Variants in ZNF594 observed in about 807,000 individuals in gnomAD.
ZNF594 encodes the protein zinc finger protein 594.
For missense variants in ZNF594, 1,037 were observed against 964.6 expected (o/e 1.08, Z -0.99); for synonymous variants, 336 against 309.4 (o/e 1.09, Z -0.90).
At chr17:5,191,631 T>G (rs1468033291) in intron 1 of ZNF594, 117 bp downstream of exon 1, 1 of 152,208 alleles carries the variant, frequency 6.6e-6, no homozygotes, top group Admixed American at 6.6e-5. Context: ...GGCGCCTACA[T>G]CCTCCTGCGG....
Position 5,181,548 on chromosome 17 carries a change from T to A in ZNF594, c.*285A>T, listed in dbSNP as rs1158706317. 1 of 1,613,836 alleles carries A rather than the reference T, an allele frequency of 6.2e-7. No individual in the cohort carries two copies. The highest frequency in any genetic ancestry group is 2.2e-5 in the East Asian group (1 of 44,874). On this transcript the variant is annotated 3_prime_UTR_variant, in exon 2 of 2. Transcript: ENST00000575779. ...CCACATGAAGAGTTTCCCACATTCCTTACATTCATAGGGTTTCTCACCACT... is the reference window on the plus strand; with the variant it reads ...CCACATGAAGAGTTTCCCACATTCCATACATTCATAGGGTTTCTCACCACT...
At position 5,182,390 on chromosome 17, in the gene ZNF594, G is replaced by A. The variant is rs745907980; in HGVS notation, c.1867C>T (p.Pro623Ser). Residue 623 changes from proline to serine, a missense_variant, in exon 2 of 2, where the codon CCT becomes TCT. Coordinates refer to ENST00000575779, the MANE Select transcript of ZNF594 (RefSeq NM_032530.2). ...TTCCCACATTTGTTGCATACATAAG[G>A]TTTTTCTCCACTGTGAATTCTATGA... The part of the protein sequence containing the change: ...RHHRIHSGEK[P>S]YVCNKCGKSF... 10 of 1,613,594 alleles carry A rather than the reference G, an allele frequency of 6.2e-6. No homozygotes were observed. The highest frequency in any genetic ancestry group is 8.5e-6 in the Non-Finnish European group (10 of 1,179,984).
In ZNF594 at chr17:5,183,377, G is replaced by A. The variant is rs758565164; in HGVS notation, c.880C>T (p.Pro294Ser). Residue 294 changes from proline (P) to serine (S), a missense_variant, in exon 2 of 2, where the codon CCC (proline) becomes TCC (serine). Coordinates refer to ENST00000575779, the MANE Select transcript of ZNF594 (RefSeq NM_032530.2). The stretch of plus-strand genomic sequence containing the variant: ...TTTTCACATTCATTACATTTGAGGG[G>A]TTTCTCTCCAGTGTGAATTCTCTGA... ...PHQRIHTGEK[P>S]LKCNECEKAF... 1 of 1,613,660 alleles carries A rather than the reference G, an allele frequency of 6.2e-7. No individual in the cohort carries two copies. The highest frequency in any genetic ancestry group is 1.1e-5 in the South Asian group (1 of 91,078).
chr17:5,181,463 C>T lies in ZNF594; in HGVS notation c.*370G>A. ...GCTCCTCATCCTTGCTGAAGGTTTT[C>T]TCACGTTCTTCAAGTTTCTCTCCAG... On this transcript the variant is annotated 3_prime_UTR_variant, in exon 2 of 2. Coordinates refer to ENST00000575779, the MANE Select transcript of ZNF594 (RefSeq NM_032530.2). 6.2e-7 allele frequency: 1 copy of T among 1,613,996 alleles called. No individual in the cohort carries two copies. The highest frequency in any genetic ancestry group is 8.5e-7 in the Non-Finnish European group (1 of 1,179,896).
chr17:5,185,469 T>C (rs550273469), intron 1 of ZNF594, among the ~76,000 whole-genome samples: 3 of 152,322 alleles, frequency 2.0e-5, no homozygotes, highest in Admixed American at 2.0e-4. Flanking sequence ...ATGGGATTTA[T>C]GGGAGTACAA....
downstream of ZNF594, among the ~76,000 whole-genome samples, chr17:5,177,191 G>A (rs1383554799): frequency 2.3e-5 from 1 of 43,154 alleles, no homozygotes; most frequent in African/African-American, 4.5e-5. Context: ...GTGAGTCTCT[G>A]TCTCATAAAA....
Position 5,180,276 on chromosome 17 carries a change from T to A in ZNF594, c.*1557A>T, listed in dbSNP as rs925982326. On this transcript the variant is annotated 3_prime_UTR_variant, in exon 2 of 2. Transcript: ENST00000575779. ...GGGGTTTTAGTATGTTGGCTGGGCA[T>A]AGTAACTCCTCATGATCAACTCGTG... is the stretch of plus-strand genomic sequence containing the variant. 1 of 151,738 alleles carries A rather than the reference T, an allele frequency of 6.6e-6. No homozygotes were observed. Among genetic ancestry groups the A allele is most frequent in the Non-Finnish European group, 1.5e-5 (1 of 68,084 alleles). 9.4% of individuals were successfully genotyped at this position (151,738 alleles called of 1,614,324 possible).
Position 5,183,594 on chromosome 17 carries a change from C to CT in ZNF594, c.662dup (p.Ser223LysfsTer13). The CT allele has an allele frequency of 6.2e-7, 1 of 1,614,134 alleles. No individual in the cohort carries two copies. On this transcript the variant is annotated frameshift_variant, in exon 2 of 2. Coordinates refer to ENST00000575779, the MANE Select transcript of ZNF594 (RefSeq NM_032530.2). LOFTEE classifies it low-confidence loss of function (END_TRUNC). ...GGTGCAGGACAAGGTTTGAGCTTCC[C>CT]TTAAAAGCCTTCCCACACTCTTTGC...
Position 5,182,968 on chromosome 17 carries a change from T to A in ZNF594, c.1289A>T (p.Lys430Ile), listed in dbSNP as rs776785926. The A allele has an allele frequency of 1.9e-6, 3 of 1,613,926 alleles. No homozygotes were observed. Among genetic ancestry groups the A allele is most frequent in the Non-Finnish European group, 2.5e-6 (3 of 1,180,026 alleles). The change falls in exon 2 of 2, where the codon AAA (lysine) becomes ATA (isoleucine). Residue 430 changes from lysine to isoleucine, a missense_variant. Physicochemically the swap from Lys to Ile is moderately radical, Grantham distance 102. Transcript: ENST00000575779. ...LRHHRIHSGE[K>I]PCVCSKCGKS... ...CCCACATTTGCTACATACACAAGGT[T>A]TTTCTCCACTGTGAATTCTATGATG... is the stretch of plus-strand genomic sequence containing the variant.
chr17:5,182,263 G>A lies in ZNF594; in HGVS notation c.1994C>T (p.Ser665Leu), dbSNP rs1385471500. The A allele has an allele frequency of 1.9e-6, 3 of 1,613,394 alleles. No individual in the cohort carries two copies. Among genetic ancestry groups the A allele is most frequent in the Non-Finnish European group, 2.5e-6 (3 of 1,179,982 alleles). Reference protein sequence around the residue: ...SECGKAFSQRSHLATHQKIHT... With the variant: ...SECGKAFSQRLHLATHQKIHT... ...GATTTTCTGGTGTGTAGCAAGGTGT[G>A]ACCTCTGGCTGAAGGCTTTCCCACA... The change falls in exon 2 of 2, where the codon TCA becomes TTA. Residue 665 changes from serine to leucine, a missense_variant. By Grantham distance (145) the Ser-to-Leu change is moderately radical. Coordinates refer to ENST00000575779, the MANE Select transcript of ZNF594 (RefSeq NM_032530.2).
At chr17:5,190,261 G>A (rs977676189) in intron 1 of ZNF594, among the ~76,000 whole-genome samples, 47 of 152,140 alleles carry the variant, frequency 3.1e-4, no homozygotes, top group African/African-American at 9.9e-4. Flanking sequence ...CCAGCTACTC[G>A]GAAGGCTGAG....
rs770037510 is a variant in ZNF594 at position 5,182,233 on chromosome 17, G to A, written c.2024C>T (p.Thr675Ile). The stretch of plus-strand genomic sequence containing the variant: ...ACTGCACTGATAGGGTTTCTCTCCA[G>A]TATGGATTTTCTGGTGTGTAGCAAG... ...SHLATHQKIH[T>I]GEKPYQCSEC... is the part of the protein sequence containing the mutation. Residue 675 changes from threonine to isoleucine, a missense_variant, in exon 2 of 2, where the codon ACT becomes ATT. By Grantham distance (89) the Thr-to-Ile change is moderately conservative. Transcript: ENST00000575779. 5.0e-6 allele frequency: 8 copies of A among 1,613,464 alleles called. No homozygotes were observed. The highest frequency in any genetic ancestry group is 6.8e-6 in the Non-Finnish European group (8 of 1,179,996).
rs1265921776 is a variant in ZNF594 at position 5,181,734 on chromosome 17, T to A, written c.*99A>T. The A allele has an allele frequency of 5.7e-6, 9 of 1,592,424 alleles. No homozygotes were observed. The highest frequency in any genetic ancestry group is 6.9e-6 in the Non-Finnish European group (8 of 1,160,594). On this transcript the variant is annotated 3_prime_UTR_variant, in exon 2 of 2. Transcript: ENST00000575779. ...ACATTCACTACATTCATGAGGTTTC[T>A]CTCCAGTATGAACACGATGGTGTTT...
At position 5,183,303 on chromosome 17, in the gene ZNF594, A is replaced by G. The variant is rs190250258; in HGVS notation, c.954T>C (p.Ser318=). ...TGTGACATTCATAGGGTTTCTCTCC[A>G]CTGTGGAGTCTCTGGTGTTCAGTAA... ...SHLTEHQRLH[S]GEKPYECHRC... is the part of the protein sequence containing the mutation. Residue 318 remains serine (S), a synonymous_variant, in exon 2 of 2, where the codon AGT becomes AGC. Coordinates refer to ENST00000575779, the MANE Select transcript of ZNF594 (RefSeq NM_032530.2). 1.3e-3 allele frequency: 2,087 copies of G among 1,614,044 alleles called. 6 individuals are homozygous for G. The highest frequency in any genetic ancestry group is 8.3e-4 in the Non-Finnish European group (983 of 1,180,042).
In ZNF594 at chr17:5,183,264, G is replaced by A. The variant is rs1567826071; in HGVS notation, c.993C>T (p.Thr331=). The A allele has an allele frequency of 2.5e-6, 4 of 1,614,038 alleles. No homozygotes were observed. Among genetic ancestry groups the A allele is most frequent in the African/African-American group, 1.3e-5 (1 of 74,918 alleles). The change falls in exon 2 of 2, where the codon ACC becomes ACT. Residue 331 remains threonine (T), a synonymous_variant. Coordinates refer to ENST00000575779, the MANE Select transcript of ZNF594 (RefSeq NM_032530.2). ...TAAGAAAAGCTGTGCGCCCACTGAA[G>A]GTCTTCCCACATCTGTGACATTCAT... The part of the protein sequence containing the change: ...KPYECHRCGK[T]FSGRTAFLKH...
downstream of ZNF594, among the ~76,000 whole-genome samples, chr17:5,175,447 G>A (rs542803113): frequency 3.7e-4 from 56 of 152,202 alleles, no homozygotes; most frequent in African/African-American, 1.1e-3. Context: ...CCCCCAGTCC[G>A]TGGAAAAATT....
downstream of ZNF594, among the ~76,000 whole-genome samples, chr17:5,177,040 C>T (rs1407430583): frequency 1.3e-5 from 2 of 151,294 alleles, no homozygotes; most frequent in African/African-American, 2.4e-5. Flanking sequence ...CTAAAAAATA[C>T]AAAAAATTAG....
Position 5,181,232 on chromosome 17 carries a change from A to G in ZNF594, c.*601T>C, listed in dbSNP as rs2074337382. ...ATTTCCCACATTTGTTGCATACATA[A>G]GGTTTTTCTCCACTGTGAATTCTAT... On this transcript the variant is annotated 3_prime_UTR_variant, in exon 2 of 2. Transcript: ENST00000575779. The G allele has an allele frequency of 6.2e-7, 1 of 1,612,050 alleles. No individual in the cohort carries two copies. The highest frequency in any genetic ancestry group is 8.5e-7 in the Non-Finnish European group (1 of 1,178,258).
In ZNF594 at chr17:5,183,093, G is replaced by A; in HGVS notation, c.1164C>T (p.Thr388=). 1.2e-6 allele frequency: 2 copies of A among 1,614,038 alleles called. No individual in the cohort carries two copies. Among genetic ancestry groups the A allele is most frequent in the South Asian group, 2.2e-5 (2 of 91,078 alleles). The change falls in exon 2 of 2, where the codon ACC becomes ACT. Residue 388 remains threonine (T), a synonymous_variant. Coordinates refer to ENST00000575779, the MANE Select transcript of ZNF594 (RefSeq NM_032530.2). ...TTACCTGATGTCTGATGAGGTCTGAGGTGCCCTGGAAATTCCTACCACACT... is the reference window on the plus strand; with the variant it reads ...TTACCTGATGTCTGATGAGGTCTGAAGTGCCCTGGAAATTCCTACCACACT... ...CNQCGRNFQG[T]SDLIRHQVTH...
Sources: allele counts gnomAD v4.1 joint callset (sites outside exome capture counted in the v4.1 genomes callset), GRCh38; gene constraint gnomAD v4.1.1; transcripts MANE v1.5; gene names NCBI Gene and HGNC (gene_info 2026-07-23, HGNC 2026-07-21).